Variants in MYO7A observed in about 807,000 individuals in gnomAD.
The protein encoded by MYO7A is unconventional myosin-VIIa.
In MYO7A, 210 loss-of-function variants were observed where a neutral mutation model predicts 263.8. The observed-to-expected ratio is 0.80, with a 90% CI of 0.71 to 0.89. The LOEUF (loss-of-function observed/expected upper bound fraction) is 0.89. Ranked by LOEUF, MYO7A falls within the 40% of genes least tolerant of loss-of-function variation. The pLI, the probability that MYO7A is intolerant of heterozygous loss-of-function variation, is 0.00. For synonymous variants in MYO7A, 1,239 were observed against 1,197.3 expected (o/e 1.03, Z -0.72); for missense variants, 2,820 against 2,968.3 (o/e 0.95, Z 1.16).
Position 77,204,186 on chromosome 11 carries a change from G to T in MYO7A, c.5437G>T (p.Ala1813Ser). The stretch of plus-strand genomic sequence containing the variant: ...GAAAGCCGAGCCCCTGAAGGACGAG[G>T]CATATGTGCAGATCCTGAAGCAGCT... ...PLKAEPLKDEAYVQILKQLTD... is the reference protein window; with the variant it reads ...PLKAEPLKDESYVQILKQLTD... Residue 1813 changes from alanine (A) to serine (S), a missense_variant, in exon 39 of 49, where the codon GCA (alanine) becomes TCA (serine). Transcript: ENST00000409709. The T allele has an allele frequency of 6.3e-7, 1 of 1,585,118 alleles. No individual in the cohort carries two copies. The highest frequency in any genetic ancestry group is 8.6e-7 in the Non-Finnish European group (1 of 1,166,010).
In MYO7A at chr11:77,192,208, A is replaced by G; in HGVS notation, c.4082A>G (p.Asn1361Ser). 6.2e-7 allele frequency: 1 copy of G among 1,614,054 alleles called. No homozygotes were observed. The highest frequency in any genetic ancestry group is 8.5e-7 in the Non-Finnish European group (1 of 1,179,908). The change falls in exon 31 of 49, where the codon AAC becomes AGC. Residue 1361 changes from asparagine (N) to serine (S), a missense_variant. By Grantham distance (46) the Asn-to-Ser change is conservative. Coordinates refer to ENST00000409709, the MANE Select transcript of MYO7A (RefSeq NM_000260.4). ...CCCTGGCACAGCCCCTCCGAGGACA[A>G]CGTGGCCACCAACCTCATCTACCAG... ...FTPWHSPSED[N>S]VATNLIYQQV...
At chr11:77,173,002 G>A in intron 16 of MYO7A, 117 bp downstream of exon 16, 2 of 1,388,982 alleles carry the variant, frequency 1.4e-6, no homozygotes, top group East Asian at 2.5e-5. Context: ...TTGGGGAATG[G>A]GGGGCACCCC....
intron 15 of MYO7A, among the ~76,000 whole-genome samples, chr11:77,169,713 G>A (rs782750464): frequency 3.3e-5 from 5 of 152,168 alleles, no homozygotes; most frequent in Non-Finnish European, 5.9e-5. Context: ...TCTTGGGGAC[G>A]TAGCAGTGAA....
rs1185738532 is a variant in MYO7A, at chr11:77,194,562, GACCTGA to G, written c.4323+41_4323+46del. The G allele has an allele frequency of 2.6e-6, 4 of 1,538,126 alleles. No individual in the cohort carries two copies. In the African/African-American group the frequency reaches 5.5e-5, roughly 21 times the overall value. On this transcript the variant is annotated intron_variant, in intron 32 of 48. Transcript: ENST00000409709. ...AGAGGAGTCCTAGAGAAGGGATGTG[GACCTGA>G]ACAACCAAGGAGGTCCCAGGCCTCA...
intron 22 of MYO7A, among the ~76,000 whole-genome samples, chr11:77,180,785 A>G (rs1324337699): frequency 6.6e-6 from 1 of 152,192 alleles, no homozygotes; most frequent in African/African-American, 2.4e-5. Context: ...AGGGTGCTAC[A>G]CTGCCCAATA....
At chr11:77,171,904 C>T (rs1555076234) in intron 15 of MYO7A, among the ~76,000 whole-genome samples, 3 of 152,196 alleles carry the variant, frequency 2.0e-5, no homozygotes, top group Admixed American at 6.5e-5. Flanking sequence ...GGCAGGGAGG[C>T]GCAGGGGGCT....
intron 11 of MYO7A, 69 bp from the exon 12 acceptor site, chr11:77,160,904 G>C: frequency 6.5e-7 from 1 of 1,544,116 alleles, no homozygotes; most frequent in Non-Finnish European, 8.8e-7. Context: ...ACCACGAAGG[G>C]TCCAGGAGCC....
chr11:77,183,187 C>G, intron 26 of MYO7A, 30 bp downstream of exon 26: 1 of 1,543,870 alleles, frequency 6.5e-7, no homozygotes, highest in South Asian at 1.2e-5. Context: ...GTCTGGCAGC[C>G]CAGGGGTGGC....
chr11:77,207,486 CT>C (rs1957529770), intron 42 of MYO7A, 84 bp downstream of exon 42: 1 of 1,038,952 alleles, frequency 9.6e-7, no homozygotes, highest in African/African-American at 1.6e-5. Flanking sequence ...GAGAGAGGAA[CT>C]GGGGGAGAGA....
intron 2 of MYO7A, among the ~76,000 whole-genome samples, chr11:77,134,534 T>C (rs1950857009): frequency 6.6e-6 from 1 of 152,010 alleles, no homozygotes; most frequent in South Asian, 2.1e-4. Flanking sequence ...CAAGTGCAAT[T>C]GTGGTATACT....
rs1956483217 is a variant in MYO7A, at chr11:77,194,383, G to T, written c.4182G>T (p.Gln1394His). The T allele has an allele frequency of 6.2e-7, 1 of 1,612,648 alleles. No individual in the cohort carries two copies. Among genetic ancestry groups the T allele is most frequent in the African/African-American group, 1.3e-5 (1 of 74,920 alleles). ...KEDDLAELAS[Q>H]QYFVDYGSEM... ...ACGACCTGGCTGAGCTGGCCTCCCA[G>T]CAGTACTTTGTAGACTATGGCTCTG... The change falls in exon 32 of 49, where the codon CAG becomes CAT. Residue 1394 changes from glutamine to histidine, a missense_variant. By Grantham distance (24) the Gln-to-His change is conservative. Transcript: ENST00000409709.
intron 26 of MYO7A, among the ~76,000 whole-genome samples, 191 bp from the exon 27 acceptor site, chr11:77,184,397 G>C (rs1350847271): frequency 6.6e-6 from 1 of 152,216 alleles, no homozygotes; most frequent in Non-Finnish European, 1.5e-5. Context: ...TGCCCCTGCT[G>C]TGTGGGCCAG....
At chr11:77,172,281 G>A (rs900262117) in intron 15 of MYO7A, among the ~76,000 whole-genome samples, 5 of 152,208 alleles carry the variant, frequency 3.3e-5, no homozygotes, top group Admixed American at 2.6e-4. Flanking sequence ...CCTGCCCAAG[G>A]GCACACAGCT....
chr11:77,153,879 G>A (rs1037195018), intron 4 of MYO7A, among the ~76,000 whole-genome samples: 7 of 152,248 alleles, frequency 4.6e-5, no homozygotes, highest in Non-Finnish European at 1.0e-4. Context: ...CTCAGTAAAG[G>A]GTTGTTGAAT....
At chr11:77,181,900 T>C in intron 23 of MYO7A, 51 bp from the exon 24 acceptor site, 1 of 1,547,610 alleles carries the variant, frequency 6.5e-7, no homozygotes, top group Non-Finnish European at 8.8e-7. Flanking sequence ...TCCTCCCACC[T>C]GAGCTTCCTG....
intron 14 of MYO7A, among the ~76,000 whole-genome samples, chr11:77,165,555 C>T (rs1953455623): frequency 6.6e-6 from 1 of 152,216 alleles, no homozygotes; most frequent in South Asian, 2.1e-4. Flanking sequence ...TCAGTTTTCT[C>T]CCTTTGGGGG....
chr11:77,165,940 T>G lies in MYO7A; in HGVS notation c.1691-116T>G. On this transcript the variant is annotated intron_variant, in intron 14 of 48. Coordinates refer to ENST00000409709, the MANE Select transcript of MYO7A (RefSeq NM_000260.4). The stretch of plus-strand genomic sequence containing the variant: ...CCTCCAGGCCTCAGGGCCCCCGTCA[T>G]GAAATGGATGTGGTGGAACTAGGTG... The G allele has an allele frequency of 5.6e-6, 4 of 713,134 alleles. No homozygotes were observed. The East Asian group carries it at 8.4e-5, about 15-fold the overall frequency. The allele number at this position is 713,134 out of a possible 1,614,324, so 44.2% of individuals were successfully genotyped here. A position where few individuals can be genotyped will look rare whatever the true frequency, so the allele number is the denominator to read the frequency against.
Position 77,182,611 on chromosome 11 carries a change from G to A in MYO7A, c.3285+11G>A. 1 of 1,612,706 alleles carries A rather than the reference G, an allele frequency of 6.2e-7. No individual in the cohort carries two copies. The highest frequency in any genetic ancestry group is 1.1e-5 in the South Asian group (1 of 91,040). ...CAGGGCGAGGGCGAGGTGAGGCCAA[G>A]GTGCCCTCTGGATGATGTCCCTCCC... On this transcript the variant is annotated intron_variant, in intron 25 of 48. Transcript: ENST00000409709.
In MYO7A at chr11:77,158,351, C is replaced by T. The variant is rs1952688657; in HGVS notation, c.924C>T (p.Leu308=). The change falls in exon 9 of 49, where the codon CTC becomes CTT. Residue 308 remains leucine, a synonymous_variant. Coordinates refer to ENST00000409709, the MANE Select transcript of MYO7A (RefSeq NM_000260.4). Reference sequence around the variant, plus strand: ...ACATCCGCTCCGCCATGAAGGTGCTCATGTTCACTGACACCGAGAACTGGG... The same window carrying T: ...ACATCCGCTCCGCCATGAAGGTGCTTATGTTCACTGACACCGAGAACTGGG... ...YANIRSAMKV[L]MFTDTENWEI... The T allele has an allele frequency of 2.5e-6, 4 of 1,613,380 alleles. No homozygotes were observed. The highest frequency in any genetic ancestry group is 1.6e-4 in the Middle Eastern group (1 of 6,080).
Sources: gnomAD v4.1 joint callset for allele counts (sites outside exome capture counted in the v4.1 genomes callset) on GRCh38, gnomAD v4.1.1 for gene constraint, MANE v1.5 for transcripts, NCBI Gene and HGNC (gene_info 2026-07-23, HGNC 2026-07-21) for gene names.